EBF2: variants seen among roughly 807,000 people sequenced by gnomAD.
EBF2 encodes EBF transcription factor 2.
In EBF2, 21 loss-of-function variants were observed where a neutral mutation model predicts 72.8. The ratio of observed to expected loss-of-function variants is 0.29; its 90% CI spans 0.20 to 0.42. The LOEUF is 0.42. Ranked by LOEUF, EBF2 falls within the 10% of genes least tolerant of loss-of-function variation. The pLI is 1.00. For missense variants in EBF2, 637 were observed against 731.2 expected (o/e 0.87, Z 1.49); for synonymous variants, 299 against 274.2 (o/e 1.09, Z -0.89).
intron 7 of EBF2, among the ~76,000 whole-genome samples, chr8:25,906,559 G>C (rs1386069117): frequency 6.6e-6 from 1 of 152,090 alleles, no homozygotes; most frequent in African/African-American, 2.4e-5. Flanking sequence ...TTGAGGTCTG[G>C]AGTTTCAGAC....
At chr8:26,018,931 T>TA (rs1176680985) in intron 6 of EBF2, among the ~76,000 whole-genome samples, 36,047 of 107,490 alleles carry the variant, frequency 0.34, 5,686 homozygotes, top group Middle Eastern at 0.45. Flanking sequence ...TCCATGGCAA[T>TA]AAAAAAAAAA....
At chr8:25,849,996 C>T (rs1415273721) in intron 15 of EBF2, among the ~76,000 whole-genome samples, 1 of 152,142 alleles carries the variant, frequency 6.6e-6, no homozygotes, top group Non-Finnish European at 1.5e-5. Context: ...GCAGAATGGC[C>T]TTGTGGACAG....
intron 6 of EBF2, among the ~76,000 whole-genome samples, chr8:26,014,270 T>C (rs1365585357): frequency 6.6e-6 from 1 of 152,152 alleles, no homozygotes; most frequent in African/African-American, 2.4e-5. Context: ...GCTTATATTA[T>C]AAATATAGGC....
intron 6 of EBF2, among the ~76,000 whole-genome samples, chr8:25,915,683 G>A (rs1803203157): frequency 6.6e-6 from 1 of 151,344 alleles, no homozygotes; most frequent in Non-Finnish European, 1.5e-5. Flanking sequence ...GACGATGGGA[G>A]GGAAAAAGCT....
intron 13 of EBF2, among the ~76,000 whole-genome samples, chr8:25,860,048 C>CAA (rs571225540): frequency 1.1e-4 from 16 of 142,656 alleles, no homozygotes; most frequent in Non-Finnish European, 1.7e-4. Context: ...TCTCCCTGGG[C>CAA]AAAAAAAAAA....
intron 10 of EBF2, among the ~76,000 whole-genome samples, chr8:25,877,960 A>G (rs577185169): frequency 6.6e-6 from 1 of 152,308 alleles, no homozygotes; most frequent in East Asian, 1.9e-4. Flanking sequence ...AATGGTGCCA[A>G]GCATAATTCT....
At chr8:25,983,671 T>G (rs986098225) in intron 6 of EBF2, among the ~76,000 whole-genome samples, 38 of 152,272 alleles carry the variant, frequency 2.5e-4, no homozygotes, top group African/African-American at 8.4e-4. Flanking sequence ...GGCCCCAGCT[T>G]CCTCAGCACA....
At chr8:25,944,017 C>G (rs908187351) in intron 6 of EBF2, among the ~76,000 whole-genome samples, 2 of 152,168 alleles carry the variant, frequency 1.3e-5, no homozygotes, top group African/African-American at 4.8e-5. Context: ...CGGAAATGGG[C>G]TCTTATCTGA....
chr8:25,954,587 G>A (rs1477709294), intron 6 of EBF2, among the ~76,000 whole-genome samples: 1 of 152,168 alleles, frequency 6.6e-6, no homozygotes, highest in Non-Finnish European at 1.5e-5. Context: ...GAATCAATGC[G>A]GAGGAAACGT....
At position 26,040,114 on chromosome 8, in the gene EBF2, T is replaced by C. The variant is rs770452804; in HGVS notation, c.409-13A>G. 9.3e-6 allele frequency: 15 copies of C among 1,611,120 alleles called. 1 individual carries two copies. The South Asian group carries it at 1.7e-4, about 18-fold the overall frequency. On this transcript the variant is annotated splice_polypyrimidine_tract_variant and intron_variant, in intron 4 of 15. Transcript: ENST00000520164. ...CGTAAGCGATGGGCTGTGAAGGAGG[T>C]AGTGGCAGGAAAGGAAGATGTGGAG... is the stretch of plus-strand genomic sequence containing the variant.
chr8:26,015,947 T>C (rs1805105029), intron 6 of EBF2, among the ~76,000 whole-genome samples: 1 of 152,076 alleles, frequency 6.6e-6, no homozygotes, highest in African/African-American at 2.4e-5. Flanking sequence ...GAAGCTCCAC[T>C]CCAAAAAAGA....
At chr8:25,905,436 C>T (rs532943993) in intron 7 of EBF2, among the ~76,000 whole-genome samples, 1 of 152,256 alleles carries the variant, frequency 6.6e-6, no homozygotes, top group South Asian at 2.1e-4. Context: ...TGAGACAATC[C>T]AAACGTCCAC....
intron 7 of EBF2, among the ~76,000 whole-genome samples, chr8:25,899,001 G>T (rs1047245663): frequency 6.6e-6 from 1 of 152,104 alleles, no homozygotes; most frequent in Non-Finnish European, 1.5e-5. Flanking sequence ...AGTTTCCCAG[G>T]CAACTACTGG....
intron 6 of EBF2, among the ~76,000 whole-genome samples, chr8:26,005,554 A>G (rs1457985140): frequency 1.3e-5 from 1 of 75,568 alleles, no homozygotes; most frequent in Non-Finnish European, 2.4e-5. Context: ...ATATATATAT[A>G]TATATATAGA....
chr8:26,043,063 G>C (rs1342669078), intron 1 of EBF2, among the ~76,000 whole-genome samples: 1 of 152,238 alleles, frequency 6.6e-6, no homozygotes, highest in Non-Finnish European at 1.5e-5. Context: ...CCCCACTCAT[G>C]CTGCGTTTTC....
intron 14 of EBF2, among the ~76,000 whole-genome samples, chr8:25,854,123 A>G (rs1230333182): frequency 1.3e-5 from 2 of 152,104 alleles, no homozygotes; most frequent in South Asian, 4.1e-4. Flanking sequence ...AAATAATACA[A>G]TCCTTAGCAA....
intron 6 of EBF2, 174 bp downstream of exon 6, chr8:26,032,911 A>G: frequency 1.6e-6 from 1 of 608,036 alleles, no homozygotes; most frequent in South Asian, 2.0e-5. Flanking sequence ...CCAAAGGAAG[A>G]TTCTGGCTTC....
chr8:25,946,373 C>G (rs963114602), intron 6 of EBF2, among the ~76,000 whole-genome samples: 1 of 152,160 alleles, frequency 6.6e-6, no homozygotes, highest in Non-Finnish European at 1.5e-5. Flanking sequence ...GGTATCTTAC[C>G]CCAGACCTAA....
chr8:25,997,397 C>A lies in EBF2; in HGVS notation c.551+35688G>T, dbSNP rs143434077. Among the ~76,000 whole-genome samples the A allele has an allele frequency of 8.8e-4, 134 of 152,002 alleles. 1 individual carries two copies. Among genetic ancestry groups the A allele is most frequent in the African/African-American group, 3.1e-3 (127 of 41,454 alleles). On this transcript the variant is annotated intron_variant, in intron 6 of 15. Coordinates refer to ENST00000520164, the MANE Select transcript of EBF2 (RefSeq NM_022659.4). ...ACAAGCCTGGGCAACATAGCGAGAC[C>A]CCATCTCTATAAACAATACAAAAAT...
Sources: gnomAD v4.1 joint callset for allele counts (sites outside exome capture counted in the v4.1 genomes callset) on GRCh38, gnomAD v4.1.1 for gene constraint, MANE v1.5 for transcripts, NCBI Gene and HGNC (gene_info 2026-07-23, HGNC 2026-07-21) for gene names.